The following ECE1 variants were observed in gnomAD, a reference collection of about 807,000 sequenced individuals.
The protein encoded by ECE1 is endothelin-converting enzyme 1.
A neutral mutation model predicts 98.6 loss-of-function variants in ECE1; 35 were observed. The observed-to-expected ratio is 0.35, with a 90% confidence interval of 0.27 to 0.47. The LOEUF (loss-of-function observed/expected upper bound fraction) is 0.47. Ranked by LOEUF, ECE1 falls within the 20% of genes least tolerant of loss-of-function variation. The pLI, the probability that ECE1 is intolerant of heterozygous loss-of-function variation, is 1.00. For missense variants in ECE1, 814 were observed against 1,025.3 expected (o/e 0.79, Z 2.81); for synonymous variants, 394 against 407.1 (o/e 0.97, Z 0.39).
chr1:21,231,159 A>G (rs984063448), intron 14 of ECE1, among the ~76,000 whole-genome samples: 4 of 152,090 alleles, frequency 2.6e-5, no homozygotes, highest in African/African-American at 9.7e-5. Flanking sequence ...GGATCCCAAG[A>G]CCAAAAAAGG....
At chr1:21,262,853 T>C (rs1016678946) in intron 4 of ECE1, among the ~76,000 whole-genome samples, 1 of 152,244 alleles carries the variant, frequency 6.6e-6, no homozygotes, top group African/African-American at 2.4e-5. Flanking sequence ...GCTCACTTGC[T>C]TTCCCACATT....
intron 8 of ECE1, among the ~76,000 whole-genome samples, chr1:21,252,303 T>G (rs1480176822): frequency 6.6e-6 from 1 of 152,234 alleles, no homozygotes; most frequent in East Asian, 1.9e-4. Context: ...AACTCCTATC[T>G]TAAACACATG....
intron 10 of ECE1, among the ~76,000 whole-genome samples, chr1:21,238,790 C>T (rs1371551220): frequency 6.6e-6 from 1 of 152,042 alleles, no homozygotes; most frequent in Non-Finnish European, 1.5e-5. Context: ...ATGAGAACAC[C>T]ACAGCAACAC....
At chr1:21,254,632 C>T (rs1229720579) in intron 8 of ECE1, among the ~76,000 whole-genome samples, 4 of 152,154 alleles carry the variant, frequency 2.6e-5, no homozygotes, top group African/African-American at 2.4e-5. Context: ...TGAGGCACTG[C>T]GGGGGCCCCT....
intron 1 of ECE1, chr1:21,298,669 T>C (rs1638422063): frequency 4.5e-6 from 2 of 442,696 alleles, no homozygotes; most frequent in Non-Finnish European, 4.6e-6. Context: ...TCCTTGCAAG[T>C]GTGAAACAAC....
intron 1 of ECE1, among the ~76,000 whole-genome samples, chr1:21,296,998 G>A (rs1168515321): frequency 6.6e-6 from 1 of 152,160 alleles, no homozygotes; most frequent in East Asian, 1.9e-4. Flanking sequence ...GAAGGCCAAG[G>A]GCACAGGGCA....
At chr1:21,336,952 G>A (rs1283045119) in intron 1 of ECE1, among the ~76,000 whole-genome samples, 1 of 152,050 alleles carries the variant, frequency 6.6e-6, no homozygotes, top group East Asian at 1.9e-4. Context: ...CAGGAGAATC[G>A]CTTGAACCCA....
chr1:21,241,872 G>A lies in ECE1; in HGVS notation c.1278+3117C>T, dbSNP rs112399519. 7.8e-3 allele frequency among the ~76,000 whole-genome samples: 1,182 copies of A among 152,288 alleles called. 15 individuals are homozygous for A. Among genetic ancestry groups the A allele is most frequent in the Middle Eastern group, 0.024 (7 of 294 alleles). ...GAGCGAGGGTCTGATCGATCTGACC[G>A]GTCAGGAAGCCTGCATCTTGCAGGA... On this transcript the variant is annotated intron_variant, in intron 10 of 18. Transcript: ENST00000374893.
chr1:21,344,466 G>A (rs1158706811), intron 1 of ECE1, among the ~76,000 whole-genome samples: 4 of 152,214 alleles, frequency 2.6e-5, no homozygotes, highest in Admixed American at 1.3e-4. Flanking sequence ...AAACCAAAGA[G>A]AAGTAGATGG....
intron 3 of ECE1, 128 bp downstream of exon 3, chr1:21,279,063 C>T: frequency 2.0e-6 from 3 of 1,521,242 alleles, no homozygotes; most frequent in Non-Finnish European, 2.7e-6. Context: ...CCAGACCCCC[C>T]TGGGCCTGGC....
intron 6 of ECE1, 138 bp from the exon 7 acceptor site, chr1:21,257,728 A>G (rs745612557): frequency 1.9e-5 from 17 of 901,240 alleles, no homozygotes; most frequent in Non-Finnish European, 2.9e-5. Context: ...ACTGCTGGCT[A>G]CAGTCACTGA....
intron 3 of ECE1, among the ~76,000 whole-genome samples, chr1:21,277,772 C>A (rs2103334868): frequency 6.6e-6 from 1 of 152,320 alleles, no homozygotes; most frequent in South Asian, 2.1e-4. Context: ...ATTAATTAGT[C>A]AAATATGCAT....
At chr1:21,245,863 C>G (rs1246575771) in intron 9 of ECE1, among the ~76,000 whole-genome samples, 2 of 151,922 alleles carry the variant, frequency 1.3e-5, no homozygotes, top group African/African-American at 4.8e-5. Flanking sequence ...AAAAAAAGAC[C>G]ACATATTAGA....
At chr1:21,270,982 C>T (rs540725747) in intron 4 of ECE1, among the ~76,000 whole-genome samples, 33 of 152,322 alleles carry the variant, frequency 2.2e-4, no homozygotes, top group African/African-American at 7.7e-4. Context: ...GAGTTCCAGT[C>T]TTGCAATGAT....
rs753798332 is a variant in ECE1, at chr1:21,272,728, T to C, written c.464A>G (p.His155Arg). The change falls in exon 4 of 19, where the codon CAC becomes CGC. Residue 155 changes from histidine to arginine, a missense_variant. His to Arg is a conservative substitution (Grantham distance 29, BLOSUM62 0). Coordinates refer to ENST00000374893, the MANE Select transcript of ECE1 (RefSeq NM_001397.3). The stretch of plus-strand genomic sequence containing the variant: ...GAGGTGCTTGATGATTGCTTGGTTG[T>C]GTTCCCAGAGGTTGCTGAAGGTCCC... ...RWGTFSNLWE[H>R]NQAIIKHLLE... 8 of 1,614,262 alleles carry C rather than the reference T, an allele frequency of 5.0e-6. No individual in the cohort carries two copies. The East Asian group carries it at 1.6e-4, about 31-fold the overall frequency.
At chr1:21,279,130 G>T (rs1026668034) in intron 3 of ECE1, 61 bp downstream of exon 3, 1 of 1,613,352 alleles carries the variant, frequency 6.2e-7, no homozygotes, top group Admixed American at 1.7e-5. Flanking sequence ...CCCCTCGCCC[G>T]AGCTGACGGA....
At position 21,345,193 on chromosome 1, in the gene ECE1, A is replaced by G; in HGVS notation, c.3+183T>C. 1 of 780,840 alleles carries G rather than the reference A, an allele frequency of 1.3e-6. No homozygotes were observed. The highest frequency in any genetic ancestry group is 1.6e-6 in the Non-Finnish European group (1 of 606,956). The allele number at this position is 780,840 out of a possible 1,614,324, so 48.4% of individuals were successfully genotyped here. A position where few individuals can be genotyped will look rare whatever the true frequency, so the allele number is the denominator to read the frequency against. On this transcript the variant is annotated intron_variant, in intron 1 of 18. Transcript: ENST00000415912. The surrounding 1 kb of genome is among the most constrained non-coding windows in gnomAD (Gnocchi z 5.1). ...GGACCAAGCGCAGCGCCGCCGGGAG[A>G]GCCGCGCTCTGCCCGGGCGCTCCCC...
intron 8 of ECE1, among the ~76,000 whole-genome samples, chr1:21,248,961 C>T (rs563439871): frequency 2.2e-3 from 335 of 152,232 alleles, no homozygotes; most frequent in African/African-American, 7.7e-3. Flanking sequence ...TCTTGGTGTC[C>T]ACAGCTAGCA....
chr1:21,339,564 A>T (rs1329545694), intron 1 of ECE1, among the ~76,000 whole-genome samples: 1 of 152,206 alleles, frequency 6.6e-6, no homozygotes, highest in Non-Finnish European at 1.5e-5. Flanking sequence ...CAGAGATTAC[A>T]TTTAAGTGCC....
Sources: allele counts gnomAD v4.1 joint callset (sites outside exome capture counted in the v4.1 genomes callset), GRCh38; gene constraint gnomAD v4.1.1; non-coding constraint Gnocchi (gnomAD v3.1); transcripts MANE v1.5; gene names NCBI Gene and HGNC (gene_info 2026-07-23, HGNC 2026-07-21).